Variants in AMBP observed in about 807,000 individuals in gnomAD.
AMBP encodes alpha-1-microglobulin/bikunin precursor.
A neutral mutation model predicts 46.3 loss-of-function variants in AMBP; 37 were observed. The ratio of observed to expected loss-of-function variants is 0.80; its 90% CI spans 0.61 to 1.05. AMBP has a LOEUF of 1.05. AMBP is among the 50% of genes least tolerant of loss of function. The pLI is 0.00. For synonymous variants in AMBP, 174 were observed against 175.9 expected (o/e 0.99, Z 0.09); for missense variants, 475 against 461.2 (o/e 1.03, Z -0.27).
chr9:114,076,256 TAGG>T (rs1041036670), intron 2 of AMBP, among the ~76,000 whole-genome samples: 11 of 148,886 alleles, frequency 7.4e-5, no homozygotes, highest in African/African-American at 2.0e-4. Context: ...GGGGGGGATT[TAGG>T]AGGAGAATGG....
In AMBP at chr9:114,061,096, C is replaced by A; in HGVS notation, c.856G>T (p.Ala286Ser). The A allele has an allele frequency of 6.2e-7, 1 of 1,613,814 alleles. No homozygotes were observed. Among genetic ancestry groups the A allele is most frequent in the Non-Finnish European group, 8.5e-7 (1 of 1,179,898 alleles). The change falls in exon 9 of 10, where the codon GCC becomes TCC. Residue 286 changes from alanine (A) to serine (S), a missense_variant and splice_region_variant. By Grantham distance (99) the Ala-to-Ser change is moderately conservative. This residue lies in a region of AMBP where 293 missense variants were observed against 276.9 expected (regional missense o/e 1.06). Transcript: ENST00000265132. ...CCCCGGACTATGGGGAGATTGCAGGCCGCTGTGGAGTGGAGAGAGGCATGG... is the reference window on the plus strand; with the variant it reads ...CCCCGGACTATGGGGAGATTGCAGGACGCTGTGGAGTGGAGAGAGGCATGG... ...ECLQTCRTVA[A>S]CNLPIVRGPC...
Position 114,074,036 on chromosome 9 carries a change from C to T in AMBP, c.454G>A (p.Gly152Arg), listed in dbSNP as rs1295593211. Residue 152 changes from glycine (G) to arginine (R), a missense_variant and splice_region_variant, in exon 4 of 10, where the codon GGG (glycine) becomes AGG (arginine). Physicochemically the swap from Gly to Arg is moderately radical, Grantham distance 125. Transcript: ENST00000265132. ...GGCACATCTAGTAATGAGCCTTTAC[C>T]GTAGAGCTTGGCAGTAATGGTGGGT... ...HGPTITAKLY[G>R]RAPQLRETLL... is the part of the protein sequence containing the mutation. The T allele has an allele frequency of 1.2e-5, 19 of 1,613,418 alleles. No individual in the cohort carries two copies. Among genetic ancestry groups the T allele is most frequent in the Admixed American group, 1.7e-5 (1 of 60,006 alleles).
chr9:114,076,716 C>T lies in AMBP; in HGVS notation c.142G>A (p.Ala48Thr), dbSNP rs1395627811. 1 of 1,614,008 alleles carries T rather than the reference C, an allele frequency of 6.2e-7. No individual in the cohort carries two copies. The highest frequency in any genetic ancestry group is 1.1e-5 in the South Asian group (1 of 91,068). Residue 48 changes from alanine to threonine, a missense_variant, in exon 2 of 10, where the codon GCC becomes ACC. By Grantham distance (58) the Ala-to-Thr change is moderately conservative. Coordinates refer to ENST00000265132, the MANE Select transcript of AMBP (RefSeq NM_001633.4). ...SRIYGKWYNL[A>T]IGSTCPWLKK... ...AGCCAGGGGCAGGTGGAACCGATGG[C>T]CAGGTTGTACCACTTCCCATAGATC...
chr9:114,064,773 G>GA (rs1469115584), intron 6 of AMBP, among the ~76,000 whole-genome samples: 1 of 152,086 alleles, frequency 6.6e-6, no homozygotes, highest in Non-Finnish European at 1.5e-5. Context: ...GGCAACCAAG[G>GA]AAAAAAACAC....
At chr9:114,071,887 C>G (rs539187655) in intron 5 of AMBP, among the ~76,000 whole-genome samples, 1 of 152,312 alleles carries the variant, frequency 6.6e-6, no homozygotes, top group South Asian at 2.1e-4. Context: ...AGGGTCTCCT[C>G]TCTGCTAGGA....
intron 6 of AMBP, among the ~76,000 whole-genome samples, chr9:114,064,882 C>T (rs1588488533): frequency 6.6e-6 from 1 of 152,286 alleles, no homozygotes; most frequent in Non-Finnish European, 1.5e-5. Flanking sequence ...ACTTCTAAAT[C>T]CAGAAGGAGA....
At chr9:114,066,849 C>T (rs903567065) in intron 6 of AMBP, among the ~76,000 whole-genome samples, 1 of 152,186 alleles carries the variant, frequency 6.6e-6, no homozygotes, top group Non-Finnish European at 1.5e-5. Context: ...GGAAGATAAA[C>T]TCAATGATAT....
chr9:114,078,108 G>A lies in AMBP; in HGVS notation c.102C>T (p.Asn34=), dbSNP rs770442460. 13 of 1,613,926 alleles carry A rather than the reference G, an allele frequency of 8.1e-6. No individual in the cohort carries two copies. The South Asian group carries it at 1.3e-4, about 16-fold the overall frequency. The change falls in exon 1 of 10, where the codon AAC becomes AAT. Residue 34 remains asparagine, a synonymous_variant. Coordinates refer to ENST00000265132, the MANE Select transcript of AMBP (RefSeq NM_001633.4). ...GCAGCCTTACCCGAGAGATATTGAA[G>A]TTTTCCTGCACTTGGATGTTGTCGG... ...TPPDNIQVQE[N]FNISRIYGKW... is the part of the protein sequence containing the mutation.
At chr9:114,071,373 G>A (rs10982054) in intron 5 of AMBP, among the ~76,000 whole-genome samples, 45,332 of 152,200 alleles carry the variant, frequency 0.3, 6,965 homozygotes, top group East Asian at 0.45. Context: ...CAGTGCTGAC[G>A]TGCCAGCTCC....
At chr9:114,067,410 A>G (rs1449056116) in intron 6 of AMBP, among the ~76,000 whole-genome samples, 1 of 151,950 alleles carries the variant, frequency 6.6e-6, no homozygotes, top group Non-Finnish European at 1.5e-5. Flanking sequence ...CTAATTTAAA[A>G]CAAACAAACA....
chr9:114,070,968 T>C (rs939918246), intron 5 of AMBP, among the ~76,000 whole-genome samples: 1 of 152,038 alleles, frequency 6.6e-6, no homozygotes, highest in African/African-American at 2.4e-5. Context: ...GCTGGGGCCA[T>C]GGAGGGAGCT....
chr9:114,069,183 T>A (rs1328056005), intron 6 of AMBP, among the ~76,000 whole-genome samples: 2 of 152,110 alleles, frequency 1.3e-5, no homozygotes, highest in Non-Finnish European at 2.9e-5. Context: ...GTGTAACTGA[T>A]GTGGCAAAAT....
intron 5 of AMBP, 23 bp downstream of exon 5, chr9:114,072,902 T>G (rs904964857): frequency 1.2e-6 from 2 of 1,609,330 alleles, no homozygotes; most frequent in Non-Finnish European, 1.7e-6. Flanking sequence ...GACAGGAATT[T>G]GAGGCGGAGG....
At chr9:114,075,101 C>T in intron 2 of AMBP, 65 bp from the exon 3 acceptor site, 1 of 1,330,222 alleles carries the variant, frequency 7.5e-7, no homozygotes. Context: ...ACACTCAACC[C>T]TCCTGCAGGG....
At position 114,074,951 on chromosome 9, in the gene AMBP, T is replaced by G. The variant is rs1400872984; in HGVS notation, c.337+9A>C. On this transcript the variant is annotated intron_variant, in intron 3 of 9. Coordinates refer to ENST00000265132, the MANE Select transcript of AMBP (RefSeq NM_001633.4). ...AGAGAATGCATGTGTCTCTTTCCAC[T>G]CCACTTACTGGATTTGTGATAGAGA... The G allele has an allele frequency of 6.2e-7, 1 of 1,612,678 alleles. No individual in the cohort carries two copies. Among genetic ancestry groups the G allele is most frequent in the Admixed American group, 1.7e-5 (1 of 59,994 alleles).
chr9:114,069,171 A>C (rs1467193583), intron 6 of AMBP, among the ~76,000 whole-genome samples: 1 of 152,184 alleles, frequency 6.6e-6, no homozygotes, highest in African/African-American at 2.4e-5. Context: ...AGAATGAAGA[A>C]AGTGTAACTG....
chr9:114,076,305 G>A (rs1472468242), intron 2 of AMBP, among the ~76,000 whole-genome samples: 1 of 151,852 alleles, frequency 6.6e-6, no homozygotes, highest in Non-Finnish European at 1.5e-5. Context: ...GGAGAGAGGA[G>A]CCCAGTTCCC....
chr9:114,076,488 G>A, intron 2 of AMBP, 110 bp downstream of exon 2: 2 of 1,482,552 alleles, frequency 1.3e-6, no homozygotes, highest in Non-Finnish European at 1.8e-6. Flanking sequence ...GGTTCAGCGG[G>A]AAGGTCCTGA....
intron 5 of AMBP, among the ~76,000 whole-genome samples, chr9:114,071,452 T>C (rs1172684475): frequency 3.3e-5 from 5 of 152,204 alleles, no homozygotes; most frequent in Non-Finnish European, 1.5e-5. Context: ...TGGGGGCTGA[T>C]GGCAGCCTGA....
Sources: allele counts gnomAD v4.1 joint callset (sites outside exome capture counted in the v4.1 genomes callset), GRCh38; gene constraint gnomAD v4.1.1; regional missense constraint gnomAD v4.1.1; transcripts MANE v1.5; gene names NCBI Gene and HGNC (gene_info 2026-07-23, HGNC 2026-07-21).